Variants in KMT2B observed in about 807,000 individuals in gnomAD.
KMT2B encodes lysine methyltransferase 2B, also known as histone-lysine N-methyltransferase 2B.
A neutral mutation model predicts 255.3 loss-of-function variants in KMT2B; 22 were observed. The observed-to-expected ratio is 0.09, with a 90% CI of 0.06 to 0.12. The LOEUF is 0.12. KMT2B is among the 10% of genes least tolerant of loss of function. KMT2B has a pLI of 1.00. For synonymous variants in KMT2B, 1,730 were observed against 1,498.1 expected (o/e 1.15, Z -3.57); for missense variants, 3,149 against 3,737.0 (o/e 0.84, Z 4.10).
rs1258526428 is a variant in KMT2B at position 35,718,726 on chromosome 19, T to C, written c.363+345T>C. On this transcript the variant is annotated intron_variant, in intron 1 of 36. Coordinates refer to ENST00000420124, the MANE Select transcript of KMT2B (RefSeq NM_014727.3). This position sits in a 1 kb window ranked among gnomAD's most constrained non-coding sequence, Gnocchi z 5.0. Reference sequence around the variant, plus strand: ...CCAGTCGTGGTTGACAGCGGCAGCGTGGCCTTGGCAGACAGGTTGGAGCTG... The same window carrying C: ...CCAGTCGTGGTTGACAGCGGCAGCGCGGCCTTGGCAGACAGGTTGGAGCTG... Among the ~76,000 whole-genome samples the C allele has an allele frequency of 6.6e-6, 1 of 152,186 alleles. No homozygotes were observed. Among genetic ancestry groups the C allele is most frequent in the Admixed American group, 6.5e-5 (1 of 15,288 alleles).
In KMT2B at chr19:35,733,206, T is replaced by G. The variant is rs765677450; in HGVS notation, c.6657T>G (p.Pro2219=). Residue 2219 remains proline (P), a synonymous_variant, in exon 28 of 37, where the codon CCT becomes CCG. Coordinates refer to ENST00000420124, the MANE Select transcript of KMT2B (RefSeq NM_014727.3). This position sits in a 1 kb window ranked among gnomAD's most constrained non-coding sequence, Gnocchi z 4.3. ...TCCCACCCCCAGTGAAGCAGCCACC[T>G]TTGCCCCCCACCATTTCCCCCACGG... ...EPVPPPVKQP[P]LPPTISPTAP... is the part of the protein sequence containing the mutation. The G allele has an allele frequency of 6.7e-7, 1 of 1,496,926 alleles. No individual in the cohort carries two copies. Among genetic ancestry groups the G allele is most frequent in the South Asian group, 1.2e-5 (1 of 82,398 alleles). The allele number at this position is 1,496,926 out of a possible 1,614,324, so 92.7% of individuals were successfully genotyped here.
In KMT2B at chr19:35,738,330, G is replaced by T; in HGVS notation, c.7921G>T (p.Ala2641Ser). 1 of 1,613,812 alleles carries T rather than the reference G, an allele frequency of 6.2e-7. No homozygotes were observed. The change falls in exon 37 of 37, where the codon GCC becomes TCC. Residue 2641 changes from alanine to serine, a missense_variant. By Grantham distance (99) the Ala-to-Ser change is moderately conservative. Around this residue, in one of 18 missense-constraint regions of KMT2B, gnomAD observed 56 missense variants for 238.8 expected, o/e 0.23. Coordinates refer to ENST00000420124, the MANE Select transcript of KMT2B (RefSeq NM_014727.3). The surrounding 1 kb of genome is among the most constrained non-coding windows in gnomAD (Gnocchi z 8.7). ...CATGGATGACTTTGATGTAGTGGACGCCACGATGCATGGCAATGCCGCCCG... is the reference window on the plus strand; with the variant it reads ...CATGGATGACTTTGATGTAGTGGACTCCACGATGCATGGCAATGCCGCCCG... ...FRMDDFDVVD[A>S]TMHGNAARFI... is the part of the protein sequence containing the mutation.
chr19:35,727,160 C>G lies in KMT2B; in HGVS notation c.4008C>G (p.Asn1336Lys). The G allele has an allele frequency of 1.2e-6, 2 of 1,610,366 alleles. No individual in the cohort carries two copies. Among genetic ancestry groups the G allele is most frequent in the Non-Finnish European group, 1.7e-6 (2 of 1,178,120 alleles). The change falls in exon 15 of 37, where the codon AAC becomes AAG. Residue 1336 changes from asparagine (N) to lysine (K), a missense_variant. Around this residue, in one of 18 missense-constraint regions of KMT2B, gnomAD observed 377 missense variants for 471.0 expected, o/e 0.80. Transcript: ENST00000420124. The surrounding 1 kb of genome is among the most constrained non-coding windows in gnomAD (Gnocchi z 4.2). ...PRCTQLYEKG[N>K]YCPICTRCYE... ...CCTTCTCTTCCCTTTCTCTAGGAAA[C>G]TACTGCCCGATCTGTACACGCTGCT...
chr19:35,725,861 A>G lies in KMT2B; in HGVS notation c.3885+43A>G, dbSNP rs2146451288. ...CCCACTTGCTTTGTCTCTAATGAAT[A>G]TCACCACCACCCCCAAACTTGCTCT... On this transcript the variant is annotated intron_variant, in intron 13 of 36. Coordinates refer to ENST00000420124, the MANE Select transcript of KMT2B (RefSeq NM_014727.3). This position sits in a 1 kb window ranked among gnomAD's most constrained non-coding sequence, Gnocchi z 4.1. 1 of 1,485,064 alleles carries G rather than the reference A, an allele frequency of 6.7e-7. No homozygotes were observed. Among genetic ancestry groups the G allele is most frequent in the Non-Finnish European group, 9.2e-7 (1 of 1,086,762 alleles). 92.0% of individuals were successfully genotyped at this position (1,485,064 alleles called of 1,614,324 possible).
At chr19:35,730,504 G>T in intron 24 of KMT2B, 34 bp from the exon 25 acceptor site, 1 of 1,613,922 alleles carries the variant, frequency 6.2e-7, no homozygotes, top group Non-Finnish European at 8.5e-7. Context: ...ACCCTGTCCT[G>T]CCTGCCTCTC....
In KMT2B at chr19:35,727,495, C is replaced by G; in HGVS notation, c.4175C>G (p.Pro1392Arg). Residue 1392 changes from proline (P) to arginine (R), a missense_variant, in exon 16 of 37, where the codon CCG becomes CGG. Around this residue, in one of 18 missense-constraint regions of KMT2B, gnomAD observed 377 missense variants for 471.0 expected, o/e 0.80. Transcript: ENST00000420124. This position sits in a 1 kb window ranked among gnomAD's most constrained non-coding sequence, Gnocchi z 4.2. Reference protein sequence around the residue: ...LPDSVLYTCGPCAGAAQPRWR... With the variant: ...LPDSVLYTCGRCAGAAQPRWR... ...GACTCGGTGCTGTACACCTGCGGAC[C>G]GTGTGCTGGGGCAGCGCAGCCCCGC... 1 of 1,612,192 alleles carries G rather than the reference C, an allele frequency of 6.2e-7. No individual in the cohort carries two copies. The highest frequency in any genetic ancestry group is 8.5e-7 in the Non-Finnish European group (1 of 1,179,852).
rs942769368 is a variant in KMT2B at position 35,737,439 on chromosome 19, T to C, written c.7550+176T>C. 1 of 836,528 alleles carries C rather than the reference T, an allele frequency of 1.2e-6. No homozygotes were observed. Among genetic ancestry groups the C allele is most frequent in the Non-Finnish European group, 1.8e-6 (1 of 556,632 alleles). The allele number at this position is 836,528 out of a possible 1,614,324, so 51.8% of individuals were successfully genotyped here. On this transcript the variant is annotated intron_variant, in intron 33 of 36. Coordinates refer to ENST00000420124, the MANE Select transcript of KMT2B (RefSeq NM_014727.3). The surrounding 1 kb of genome is among the most constrained non-coding windows in gnomAD (Gnocchi z 5.3). ...GCTCATGCCTGTAATCCCGCCACTT[T>C]GGGAGGCCGAGGCAGGAGGATCGCA...
rs375237364 is a variant in KMT2B, at chr19:35,737,032, G to C, written c.7372+46G>C. On this transcript the variant is annotated intron_variant, in intron 32 of 36. Coordinates refer to ENST00000420124, the MANE Select transcript of KMT2B (RefSeq NM_014727.3). The surrounding 1 kb of genome is among the most constrained non-coding windows in gnomAD (Gnocchi z 5.3). ...GGGGCAGGGAGCTGGATGTCTCCCC[G>C]AGGGCACCATGGGCCCTCCACATGA... is the stretch of plus-strand genomic sequence containing the variant. 1.2e-6 allele frequency: 2 copies of C among 1,610,102 alleles called. No individual in the cohort carries two copies. Among genetic ancestry groups the C allele is most frequent in the Non-Finnish European group, 1.7e-6 (2 of 1,178,012 alleles).
At position 35,721,673 on chromosome 19, in the gene KMT2B, C is replaced by CCT. The variant is rs1406657448; in HGVS notation, c.2326_2327insCT (p.Arg776ProfsTer14). 6.2e-7 allele frequency: 1 copy of CCT among 1,612,248 alleles called. No individual in the cohort carries two copies. The highest frequency in any genetic ancestry group is 2.2e-5 in the East Asian group (1 of 44,794). On this transcript the variant is annotated frameshift_variant, in exon 3 of 37. Transcript: ENST00000420124. LOFTEE classifies it high-confidence loss of function. ...GCAGATGCCTCCCCTGGAAAAAGCC[C>CCT]GGATTGCGGGCGTGGGTTCCTTGCC...
chr19:35,726,671 C>T (rs1466361961), intron 14 of KMT2B, among the ~76,000 whole-genome samples: 6 of 152,148 alleles, frequency 3.9e-5, no homozygotes, highest in Non-Finnish European at 8.8e-5. Flanking sequence ...GCCCTGTGTT[C>T]TGCAGAGTCT....
In KMT2B at chr19:35,737,644, C is replaced by A. The variant is rs755518695; in HGVS notation, c.7559C>A (p.Thr2520Asn). 2.6e-6 allele frequency: 4 copies of A among 1,558,424 alleles called. No homozygotes were observed. The Admixed American group carries it at 7.7e-5, about 30-fold the overall frequency. The change falls in exon 34 of 37, where the codon ACC becomes AAC. Residue 2520 changes from threonine (T) to asparagine (N), a missense_variant. Physicochemically the swap from Thr to Asn is moderately conservative, Grantham distance 65. Transcript: ENST00000420124. The surrounding 1 kb of genome is among the most constrained non-coding windows in gnomAD (Gnocchi z 5.3). ...ARAEVYLRKC[T>N]FDMFNFLASQ... The stretch of plus-strand genomic sequence containing the variant: ...CCTGCTGCCACCTGCAGGAAGTGCA[C>A]CTTTGACATGTTCAACTTCCTGGCC...
chr19:35,733,789 T>C lies in KMT2B; in HGVS notation c.7076T>C (p.Leu2359Pro). The C allele has an allele frequency of 1.9e-6, 3 of 1,613,648 alleles. No individual in the cohort carries two copies. The highest frequency in any genetic ancestry group is 2.5e-6 in the Non-Finnish European group (3 of 1,179,708). Residue 2359 changes from leucine to proline, a missense_variant, in exon 30 of 37, where the codon CTG (leucine) becomes CCG (proline). Physicochemically the swap from Leu to Pro is moderately conservative, Grantham distance 98 (BLOSUM62 -3). Transcript: ENST00000420124. This position sits in a 1 kb window ranked among gnomAD's most constrained non-coding sequence, Gnocchi z 4.3. ...CCCCTCCAGGAACGGTCCCCTTTGC[T>C]GCCACTTCCGGAAGATGGTCCTCCC... Reference protein sequence around the residue: ...PGPLQERSPLLPLPEDGPPQV... With the variant: ...PGPLQERSPLPPLPEDGPPQV...
At chr19:35,722,971 C>T in intron 5 of KMT2B, 24 bp from the exon 6 acceptor site, 1 of 1,525,450 alleles carries the variant, frequency 6.6e-7, no homozygotes, top group Non-Finnish European at 8.8e-7. Flanking sequence ...GGCTCCATCC[C>T]CTCCTCCCTG....
At position 35,721,106 on chromosome 19, in the gene KMT2B, C is replaced by G. The variant is rs758647357; in HGVS notation, c.1759C>G (p.Pro587Ala). 6.2e-7 allele frequency: 1 copy of G among 1,610,620 alleles called. No homozygotes were observed. The highest frequency in any genetic ancestry group is 2.2e-5 in the East Asian group (1 of 44,650). ...ACCAGTCCCCTCTCCACCACGTGCCCCAACTCCTCCATCTACCCCAGTTCC... is the reference window on the plus strand; with the variant it reads ...ACCAGTCCCCTCTCCACCACGTGCCGCAACTCCTCCATCTACCCCAGTTCC... ...PAPVPSPPRA[P>A]TPPSTPVPLP... Residue 587 changes from proline to alanine, a missense_variant, in exon 3 of 37, where the codon CCA becomes GCA. By Grantham distance (27) the Pro-to-Ala change is conservative. Coordinates refer to ENST00000420124, the MANE Select transcript of KMT2B (RefSeq NM_014727.3).
chr19:35,722,800 A>G (rs372894381), intron 5 of KMT2B, 82 bp downstream of exon 5: 1 of 1,504,046 alleles, frequency 6.6e-7, no homozygotes, highest in South Asian at 1.4e-5. Flanking sequence ...CCTAGGAGAG[A>G]GGGAGCCAAG....
In KMT2B at chr19:35,725,349, T is replaced by C. The variant is rs1203063652; in HGVS notation, c.3642+16T>C. 1.0e-5 allele frequency: 16 copies of C among 1,557,034 alleles called. No individual in the cohort carries two copies. The highest frequency in any genetic ancestry group is 1.4e-5 in the Non-Finnish European group (16 of 1,151,698). ...ACTCCACGAGGTTAGATCTCTGCCT[T>C]TCTTCACAGACCCCCAGCTCTCTGT... On this transcript the variant is annotated intron_variant, in intron 11 of 36. Coordinates refer to ENST00000420124, the MANE Select transcript of KMT2B (RefSeq NM_014727.3). The surrounding 1 kb of genome is among the most constrained non-coding windows in gnomAD (Gnocchi z 4.1).
Position 35,720,632 on chromosome 19 carries a change from T to A in KMT2B, c.1285T>A (p.Cys429Ser). The A allele has an allele frequency of 9.7e-7, 1 of 1,035,890 alleles. No homozygotes were observed. Among genetic ancestry groups the A allele is most frequent in the Non-Finnish European group, 1.2e-6 (1 of 803,686 alleles). 64.2% of individuals were successfully genotyped at this position (1,035,890 alleles called of 1,614,324 possible). ...TTCGACATCTCCTCCACCCCCACTCTGCCCTCCACCACCACCCCCAGTGTC... is the reference window on the plus strand; with the variant it reads ...TTCGACATCTCCTCCACCCCCACTCAGCCCTCCACCACCACCCCCAGTGTC... ...PPSTSPPPPLCPPPPPPVSPP... is the reference protein window; with the variant it reads ...PPSTSPPPPLSPPPPPPVSPP... Residue 429 changes from cysteine to serine, a missense_variant, in exon 3 of 37, where the codon TGC becomes AGC. Cys to Ser is a moderately radical substitution (Grantham distance 112). Transcript: ENST00000420124.
intron 14 of KMT2B, among the ~76,000 whole-genome samples, chr19:35,726,906 C>T (rs1969473151): frequency 6.6e-6 from 1 of 150,992 alleles, no homozygotes; most frequent in Non-Finnish European, 1.5e-5. Flanking sequence ...ATCGCTTGAA[C>T]CCGGGAGGCG....
At position 35,737,408 on chromosome 19, in the gene KMT2B, T is replaced by G. The variant is rs919206846; in HGVS notation, c.7550+145T>G. ...GAGTTATTTCTAGAGTTAGCCAGGC[T>G]CCGTGGCTCATGCCTGTAATCCCGC... On this transcript the variant is annotated intron_variant, in intron 33 of 36. Transcript: ENST00000420124. This position sits in a 1 kb window ranked among gnomAD's most constrained non-coding sequence, Gnocchi z 5.3. The G allele has an allele frequency of 2.2e-5, 22 of 990,592 alleles. No homozygotes were observed. Among genetic ancestry groups the G allele is most frequent in the Non-Finnish European group, 3.0e-5 (21 of 697,318 alleles). 61.4% of individuals were successfully genotyped at this position (990,592 alleles called of 1,614,324 possible). A position where few individuals can be genotyped will look rare whatever the true frequency, so the allele number is the denominator to read the frequency against.
Sources: allele counts gnomAD v4.1 joint callset (sites outside exome capture counted in the v4.1 genomes callset), GRCh38; gene constraint gnomAD v4.1.1; regional missense constraint gnomAD v4.1.1; non-coding constraint Gnocchi (gnomAD v3.1); transcripts MANE v1.5; gene names NCBI Gene and HGNC (gene_info 2026-07-23, HGNC 2026-07-21).